The following SLC26A11 variants were observed in gnomAD, a reference collection of about 807,000 sequenced individuals.
The protein encoded by SLC26A11 is sodium-independent sulfate anion transporter.
Under a neutral mutation model 62.2 loss-of-function variants are expected in SLC26A11, and 58 were observed. The ratio of observed to expected loss-of-function variants is 0.93; its 90% confidence interval spans 0.76 to 1.16. The LOEUF is 1.16. SLC26A11 is among the 50% of genes most tolerant of loss of function. The probability of loss-of-function intolerance (pLI) is 0.00; values close to 1 mark genes in which losing one functional copy is unlikely to be tolerated. For synonymous variants in SLC26A11, 411 were observed against 368.9 expected (o/e 1.11, Z -1.31); for missense variants, 790 against 794.3 (o/e 0.99, Z 0.06).
rs760084288 is a variant in SLC26A11, at chr17:80,221,667, TCCTGGCGTGGCTGCCCAG to T, written c.109_126del (p.Leu37_Ser42del). Reference sequence around the variant, plus strand: ...GCGGCCCTGCAGAGGAGGCTGCCCATCCTGGCGTGGCTGCCCAGCTACTCCCTGCAGTGGCTGAAGATG... The same window carrying T: ...GCGGCCCTGCAGAGGAGGCTGCCCATCTACTCCCTGCAGTGGCTGAAGATG... On this transcript the variant is annotated inframe_deletion, in exon 3 of 18. Transcript: ENST00000361193. 12 of 1,613,234 alleles carry T rather than the reference TCCTGGCGTGGCTGCCCAG, an allele frequency of 7.4e-6. No individual in the cohort carries two copies. In the Admixed American group the frequency reaches 2.0e-4, roughly 27 times the overall value.
chr17:80,241,674 C>A, intron 9 of SLC26A11, 97 bp from the exon 10 acceptor site: 2 of 1,238,860 alleles, frequency 1.6e-6, no homozygotes, highest in South Asian at 1.2e-5. Context: ...AACTTATTGC[C>A]GTGTGTAGAA....
Position 80,240,379 on chromosome 17 carries a change from T to G in SLC26A11, c.986-1392T>G, listed in dbSNP as rs568342211. On this transcript the variant is annotated intron_variant, in intron 9 of 17. Transcript: ENST00000361193. ...AAGACTCCGTCTCAAAAAAAAAAGT[T>G]TGCCAACCTCTGTCTTAGATCCATG... Among the ~76,000 whole-genome samples, 42 of 151,110 alleles carry G rather than the reference T, an allele frequency of 2.8e-4. 1 individual carries two copies. The South Asian group carries it at 3.1e-3, about 11-fold the overall frequency.
At chr17:80,245,103 C>T in intron 10 of SLC26A11, 93 bp from the exon 11 acceptor site, 1 of 1,174,494 alleles carries the variant, frequency 8.5e-7, no homozygotes, top group African/African-American at 1.5e-5. Flanking sequence ...GCCTTCCTGC[C>T]TCCCTTCTGG....
intron 9 of SLC26A11, among the ~76,000 whole-genome samples, chr17:80,238,286 G>A (rs1567958164): frequency 6.6e-6 from 1 of 152,188 alleles, no homozygotes; most frequent in Non-Finnish European, 1.5e-5. Flanking sequence ...CCGGGAGGTC[G>A]AGGTGGCATT....
chr17:80,249,906 AAAAC>A (rs1004242440), intron 16 of SLC26A11, among the ~76,000 whole-genome samples: 52 of 152,338 alleles, frequency 3.4e-4, no homozygotes, highest in African/African-American at 1.2e-3. Flanking sequence ...CTCCATCTCA[AAAAC>A]AAACAAACGA....
At position 80,223,645 on chromosome 17, in the gene SLC26A11, G is replaced by A. The variant is rs2042287262; in HGVS notation, c.513+308G>A. On this transcript the variant is annotated intron_variant, in intron 5 of 17. Coordinates refer to ENST00000361193, the MANE Select transcript of SLC26A11 (RefSeq NM_001166347.2). This position sits in a 1 kb window ranked among gnomAD's most constrained non-coding sequence, Gnocchi z 4.6. ...TGTGCTTGGCTGGCTCTGTGACGTGGCTCTGTTCTCCCTGCACTGGGCACA... is the reference window on the plus strand; with the variant it reads ...TGTGCTTGGCTGGCTCTGTGACGTGACTCTGTTCTCCCTGCACTGGGCACA... Among the ~76,000 whole-genome samples, 1 of 152,156 alleles carries A rather than the reference G, an allele frequency of 6.6e-6. No homozygotes were observed. Among genetic ancestry groups the A allele is most frequent in the African/African-American group, 2.4e-5 (1 of 41,426 alleles).
intron 7 of SLC26A11, among the ~76,000 whole-genome samples, chr17:80,235,003 C>T (rs1466883695): frequency 2.0e-5 from 3 of 152,130 alleles, no homozygotes; most frequent in African/African-American, 4.8e-5. Flanking sequence ...GCATCCACCA[C>T]CATGCCCAGC....
Position 80,252,696 on chromosome 17 carries a change from G to T in SLC26A11, c.1801G>T (p.Val601Phe). The change falls in exon 18 of 18, where the codon GTT becomes TTT. Residue 601 changes from valine to phenylalanine, a missense_variant. By Grantham distance (50) the Val-to-Phe change is conservative. Transcript: ENST00000361193. The surrounding 1 kb of genome is among the most constrained non-coding windows in gnomAD (Gnocchi z 5.2). ...IREDSILDQK[V>F]ALLKA ...AGAAGACTCCATTCTGGACCAAAAGGTTGCCCTGCTCAAGGCATAATGGGG... is the reference window on the plus strand; with the variant it reads ...AGAAGACTCCATTCTGGACCAAAAGTTTGCCCTGCTCAAGGCATAATGGGG... 1 of 1,613,896 alleles carries T rather than the reference G, an allele frequency of 6.2e-7. No individual in the cohort carries two copies. The highest frequency in any genetic ancestry group is 1.1e-5 in the South Asian group (1 of 91,082).
At chr17:80,230,837 C>T (rs1387992700) in intron 7 of SLC26A11, among the ~76,000 whole-genome samples, 3 of 152,178 alleles carry the variant, frequency 2.0e-5, no homozygotes, top group Admixed American at 6.5e-5. Context: ...CTTATAACAG[C>T]TTTGAGAATG....
chr17:80,248,152 C>G lies in SLC26A11; in HGVS notation c.1317C>G (p.Cys439Trp), dbSNP rs149066274. Residue 439 changes from cysteine to tryptophan, a missense_variant, in exon 14 of 18, where the codon TGC becomes TGG. Cys to Trp is a radical substitution (Grantham distance 215, BLOSUM62 -2). Coordinates refer to ENST00000361193, the MANE Select transcript of SLC26A11 (RefSeq NM_001166347.2). ...RVKRLDLLPL[C>W]VTFLLCFWEV... is the part of the protein sequence containing the mutation. ...TAGGGCTGGACCTGCTGCCCCTGTG[C>G]GTGACCTTCCTGCTGTGCTTCTGGG... 1.2e-5 allele frequency: 20 copies of G among 1,605,230 alleles called. No homozygotes were observed. The East Asian group carries it at 4.2e-4, about 34-fold the overall frequency.
chr17:80,231,167 AT>A (rs1161710326), intron 7 of SLC26A11, among the ~76,000 whole-genome samples: 18 of 129,710 alleles, frequency 1.4e-4, no homozygotes, highest in South Asian at 4.8e-4. Flanking sequence ...TTCAAAAAAA[AT>A]TTTTTTTTTT....
intron 5 of SLC26A11, among the ~76,000 whole-genome samples, chr17:80,224,207 GTGAA>G (rs1414791462): frequency 1.1e-4 from 17 of 151,842 alleles, no homozygotes; most frequent in African/African-American, 3.9e-4. Context: ...GTGTGAGTGT[GTGAA>G]TGAGTGAGTG....
intron 5 of SLC26A11, among the ~76,000 whole-genome samples, chr17:80,224,346 T>A (rs978003910): frequency 5.7e-5 from 8 of 139,344 alleles, no homozygotes; most frequent in Non-Finnish European, 7.6e-5. Flanking sequence ...AGTGTGAGAG[T>A]GGGTGTGGGT....
intron 7 of SLC26A11, among the ~76,000 whole-genome samples, chr17:80,234,797 C>T (rs1048694881): frequency 9.9e-5 from 15 of 151,552 alleles, no homozygotes; most frequent in Non-Finnish European, 1.9e-4. Context: ...GTGCTTGTTC[C>T]GTCTCAGACA....
rs545008339 is a variant in SLC26A11 at position 80,224,104 on chromosome 17, C to T, written c.513+767C>T. On this transcript the variant is annotated intron_variant, in intron 5 of 17. Transcript: ENST00000361193. ...CAGGTCATCTTCCCCAAGCCAGGCC[C>T]TGTTCCAGGCTGGCCTGAGACAGTC... Among the ~76,000 whole-genome samples, 19 of 152,344 alleles carry T rather than the reference C, an allele frequency of 1.2e-4. No individual in the cohort carries two copies. The South Asian group carries it at 3.9e-3, about 32-fold the overall frequency.
Position 80,246,013 on chromosome 17 carries a change from T to G in SLC26A11, c.1098-141T>G, listed in dbSNP as rs1365150078. 7.1e-6 allele frequency: 7 copies of G among 979,322 alleles called. No individual in the cohort carries two copies. Among genetic ancestry groups the G allele is most frequent in the Non-Finnish European group, 1.1e-5 (7 of 618,194 alleles). The allele number at this position is 979,322 out of a possible 1,614,324, so 60.7% of individuals were successfully genotyped here. A position where few individuals can be genotyped will look rare whatever the true frequency, so the allele number is the denominator to read the frequency against. ...TGACTGCACCCTAAGTCTCTTTGCC[T>G]CGGTCCCCTTGCAGTCCCCGCCTGC... On this transcript the variant is annotated intron_variant, in intron 11 of 17. Transcript: ENST00000361193. This position sits in a 1 kb window ranked among gnomAD's most constrained non-coding sequence, Gnocchi z 4.4.
In SLC26A11 at chr17:80,246,008, T is replaced by C; in HGVS notation, c.1098-146T>C. ...GTCTGTGACTGCACCCTAAGTCTCT[T>C]TGCCTCGGTCCCCTTGCAGTCCCCG... On this transcript the variant is annotated intron_variant, in intron 11 of 17. Coordinates refer to ENST00000361193, the MANE Select transcript of SLC26A11 (RefSeq NM_001166347.2). This position sits in a 1 kb window ranked among gnomAD's most constrained non-coding sequence, Gnocchi z 4.4. The C allele has an allele frequency of 1.1e-6, 1 of 939,428 alleles. No individual in the cohort carries two copies. 58.2% of individuals were successfully genotyped at this position (939,428 alleles called of 1,614,324 possible). A position where few individuals can be genotyped will look rare whatever the true frequency, so the allele number is the denominator to read the frequency against.
chr17:80,251,762 C>CAAA (rs113713263), intron 17 of SLC26A11, among the ~76,000 whole-genome samples: 1 of 112,324 alleles, frequency 8.9e-6, no homozygotes, highest in Non-Finnish European at 1.9e-5. Flanking sequence ...GACTCTGTCT[C>CAAA]AAAAAAAAAA....
intron 1 of SLC26A11, 24 bp downstream of exon 1, chr17:80,220,520 G>A: frequency 4.4e-6 from 2 of 453,808 alleles, no homozygotes; most frequent in Non-Finnish European, 7.5e-6. Flanking sequence ...CCGCGAGGGC[G>A]GCGAGCGGGG....
Sources: allele counts gnomAD v4.1 joint callset (sites outside exome capture counted in the v4.1 genomes callset), GRCh38; gene constraint gnomAD v4.1.1; non-coding constraint Gnocchi (gnomAD v3.1); transcripts MANE v1.5; gene names NCBI Gene and HGNC (gene_info 2026-07-23, HGNC 2026-07-21).